Variants in CORO1C observed in about 807,000 individuals in gnomAD.
The protein encoded by CORO1C is coronin 1C, also known as coronin-1C.
CORO1C carries 14 observed loss-of-function variants against 51.2 expected under a neutral mutation model. The observed-to-expected ratio is 0.27, with a 90% CI of 0.18 to 0.43. The LOEUF (loss-of-function observed/expected upper bound fraction) is 0.43. Among genes scored for constraint, CORO1C ranks in the 20% least tolerant of loss-of-function variants. The pLI, the probability that CORO1C is intolerant of heterozygous loss-of-function variation, is 1.00. For synonymous variants in CORO1C, 181 were observed against 210.5 expected (o/e 0.86, Z 1.21); for missense variants, 417 against 607.8 (o/e 0.69, Z 3.30).
At chr12:108,650,085 TA>T (rs2032572285) in intron 8 of CORO1C, among the ~76,000 whole-genome samples, 1 of 149,970 alleles carries the variant, frequency 6.7e-6, no homozygotes, top group Admixed American at 6.7e-5. Context: ...TAAAGGTTTA[TA>T]AAATCATCAT....
chr12:108,652,209 A>C, intron 8 of CORO1C, 63 bp downstream of exon 8: 1 of 1,495,392 alleles, frequency 6.7e-7, no homozygotes, highest in Non-Finnish European at 9.2e-7. Context: ...ATGCTAGTCC[A>C]AGTACAAATA....
At chr12:108,703,103 G>T in intron 1 of CORO1C, 1 of 616,766 alleles carries the variant, frequency 1.6e-6, no homozygotes, top group Non-Finnish European at 2.6e-6. Context: ...AAAAGCCAAC[G>T]TACAGCCAGC....
At chr12:108,671,978 G>A (rs1260556424) in intron 3 of CORO1C, among the ~76,000 whole-genome samples, 1 of 152,116 alleles carries the variant, frequency 6.6e-6, no homozygotes, top group Admixed American at 6.5e-5. Context: ...GCCCAGGCTG[G>A]TCTTGAACTC....
chr12:108,685,766 T>C (rs2034272867), intron 2 of CORO1C, among the ~76,000 whole-genome samples: 1 of 152,154 alleles, frequency 6.6e-6, no homozygotes, highest in Non-Finnish European at 1.5e-5. Context: ...AGTATTCTAC[T>C]GTAGCACAAG....
chr12:108,678,419 A>G, intron 2 of CORO1C, 25 bp from the exon 3 acceptor site: 4 of 1,541,598 alleles, frequency 2.6e-6, no homozygotes, highest in South Asian at 1.2e-5. Context: ...AAACAAACCT[A>G]TTATGTAATA....
intron 1 of CORO1C, among the ~76,000 whole-genome samples, chr12:108,707,330 A>G (rs1344905382): frequency 1.3e-5 from 2 of 152,242 alleles, no homozygotes; most frequent in African/African-American, 4.8e-5. Flanking sequence ...GTACTGGAAT[A>G]AGGACAGACA....
chr12:108,655,549 T>G (rs2032919325), intron 6 of CORO1C, among the ~76,000 whole-genome samples: 1 of 152,164 alleles, frequency 6.6e-6, no homozygotes, highest in Non-Finnish European at 1.5e-5. Context: ...CTGACTGGTT[T>G]TCGTATTTTT....
Position 108,701,338 on chromosome 12 carries a change from T to A in CORO1C, c.-5-15A>T. ...CCTCATCGTGTCTGCAAAGGAAGAGTGAGAATTATGTTAGAATTATGCACC... is the reference window on the plus strand; with the variant it reads ...CCTCATCGTGTCTGCAAAGGAAGAGAGAGAATTATGTTAGAATTATGCACC... On this transcript the variant is annotated splice_polypyrimidine_tract_variant and intron_variant, in intron 1 of 10. Coordinates refer to ENST00000261401, the MANE Select transcript of CORO1C (RefSeq NM_014325.4). 1 of 1,613,894 alleles carries A rather than the reference T, an allele frequency of 6.2e-7. No individual in the cohort carries two copies. The highest frequency in any genetic ancestry group is 8.5e-7 in the Non-Finnish European group (1 of 1,179,960).
At chr12:108,692,502 A>AGT (rs2034530261) in intron 2 of CORO1C, among the ~76,000 whole-genome samples, 2 of 152,252 alleles carry the variant, frequency 1.3e-5, no homozygotes, top group Non-Finnish European at 2.9e-5. Context: ...TGTGGATCAC[A>AGT]CAGAAAAGCA....
chr12:108,702,485 C>A (rs531194155), intron 1 of CORO1C, among the ~76,000 whole-genome samples: 1 of 152,284 alleles, frequency 6.6e-6, no homozygotes, highest in South Asian at 2.1e-4. Context: ...CCAGGCCCTC[C>A]CTGATTAAGA....
intron 2 of CORO1C, among the ~76,000 whole-genome samples, chr12:108,679,109 C>CAAAAAAAA (rs1183326267): frequency 7.3e-4 from 16 of 22,064 alleles, no homozygotes; most frequent in African/African-American, 1.1e-3. Context: ...GACTCTGTCT[C>CAAAAAAAA]AAAAAAAAAA....
In CORO1C at chr12:108,652,300, G is replaced by A. The variant is rs569054483; in HGVS notation, c.973C>T (p.Leu325Phe). The A allele has an allele frequency of 6.2e-7, 1 of 1,613,912 alleles. No individual in the cohort carries two copies. Among genetic ancestry groups the A allele is most frequent in the East Asian group, 2.2e-5 (1 of 44,872 alleles). ...GCAATCTCACATTTGTTAACATCAA[G>A]TCCCCTCTTGGGCATGTAACCCATC... ...RGMGYMPKRG[L>F]DVNKCEIARF... Residue 325 changes from leucine (L) to phenylalanine (F), a missense_variant, in exon 8 of 11, where the codon CTT (leucine) becomes TTT (phenylalanine). Leu to Phe is a conservative substitution (Grantham distance 22). Transcript: ENST00000261401.
intron 3 of CORO1C, among the ~76,000 whole-genome samples, chr12:108,673,587 C>T (rs971902742): frequency 6.6e-6 from 1 of 152,124 alleles, no homozygotes; most frequent in African/African-American, 2.4e-5. Flanking sequence ...AAGAAGATGC[C>T]ATCTAGAACT....
chr12:108,712,870 T>C (rs1050380039), intron 1 of CORO1C, among the ~76,000 whole-genome samples: 1 of 145,074 alleles, frequency 6.9e-6, no homozygotes, highest in African/African-American at 2.6e-5. Flanking sequence ...GGCTGCAGTA[T>C]GCTATGATCA....
chr12:108,727,868 A>G (rs1005887413), intron 1 of CORO1C, among the ~76,000 whole-genome samples: 4 of 152,234 alleles, frequency 2.6e-5, no homozygotes, highest in African/African-American at 9.6e-5. Context: ...TGAATCTAGA[A>G]TACATGAACA....
chr12:108,700,911 G>A, intron 2 of CORO1C: 1 of 551,488 alleles, frequency 1.8e-6, no homozygotes, highest in Non-Finnish European at 3.2e-6. Flanking sequence ...CATCCATAGA[G>A]GGCATCCCCA....
chr12:108,652,470 A>G, intron 7 of CORO1C, 53 bp from the exon 8 acceptor site: 1 of 1,479,654 alleles, frequency 6.8e-7, no homozygotes, highest in Non-Finnish European at 9.4e-7. Flanking sequence ...AAACATCTGG[A>G]TTATGGGGGT....
intron 3 of CORO1C, among the ~76,000 whole-genome samples, chr12:108,666,069 G>A (rs1417407474): frequency 6.6e-6 from 1 of 152,200 alleles, no homozygotes; most frequent in Admixed American, 6.5e-5. Context: ...ACCAAGCTTG[G>A]TCCACCCAGG....
At chr12:108,715,667 T>TGCAGAACCATATAAAATCGCCAGA (rs11274706) in intron 1 of CORO1C, among the ~76,000 whole-genome samples, 1 of 123,630 alleles carries the variant, frequency 8.1e-6, no homozygotes, top group African/African-American at 2.9e-5. Flanking sequence ...CTCACAACAC[T>TGCAGAACCATATAAAATCGCCAGA]GGCAGCAGCC....
Sources: allele counts gnomAD v4.1 joint callset (sites outside exome capture counted in the v4.1 genomes callset), GRCh38; gene constraint gnomAD v4.1.1; transcripts MANE v1.5; gene names NCBI Gene and HGNC (gene_info 2026-07-23, HGNC 2026-07-21).